The following SPOCK1 variants were observed in gnomAD, a reference collection of about 807,000 sequenced individuals.
The protein encoded by SPOCK1 is SPARC (osteonectin), cwcv and kazal like domains proteoglycan 1.
A neutral mutation model predicts 55.3 loss-of-function variants in SPOCK1; 23 were observed. The observed-to-expected ratio is 0.42, with a 90% CI of 0.30 to 0.59. The LOEUF is 0.59. SPOCK1 is among the 20% of genes least tolerant of loss of function. The pLI, the probability that SPOCK1 is intolerant of heterozygous loss-of-function variation, is 0.22. For missense variants in SPOCK1, 499 were observed against 552.5 expected (o/e 0.90, Z 0.97); for synonymous variants, 226 against 221.0 (o/e 1.02, Z -0.20).
intron 2 of SPOCK1, among the ~76,000 whole-genome samples, chr5:137,443,703 A>G (rs1280869032): frequency 2.0e-5 from 3 of 152,150 alleles, no homozygotes; most frequent in Admixed American, 2.0e-4. Flanking sequence ...GGGTTCACCA[A>G]CGGCTGTGGT....
intron 2 of SPOCK1, among the ~76,000 whole-genome samples, chr5:137,320,562 A>C (rs1175888924): frequency 6.6e-6 from 1 of 152,236 alleles, no homozygotes; most frequent in East Asian, 1.9e-4. Flanking sequence ...GAGCCAGAGA[A>C]CAGAAAAGAG....
chr5:136,987,254 T>C (rs982942609), intron 8 of SPOCK1, among the ~76,000 whole-genome samples: 1 of 152,074 alleles, frequency 6.6e-6, no homozygotes, highest in Non-Finnish European at 1.5e-5. Context: ...AATTTCTCCC[T>C]AACAAAAATG....
At chr5:137,225,684 GA>G (rs1755930910) in intron 3 of SPOCK1, among the ~76,000 whole-genome samples, 1 of 152,194 alleles carries the variant, frequency 6.6e-6, no homozygotes, top group South Asian at 2.1e-4. Context: ...GAAGGCTTGG[GA>G]AAACACAGGT....
intron 2 of SPOCK1, among the ~76,000 whole-genome samples, chr5:137,351,524 T>C (rs1476614836): frequency 6.6e-6 from 1 of 152,202 alleles, no homozygotes; most frequent in Non-Finnish European, 1.5e-5. Flanking sequence ...CCAAGGAGTA[T>C]TGCATTCTCC....
intron 2 of SPOCK1, among the ~76,000 whole-genome samples, chr5:137,408,450 C>A (rs754061922): frequency 6.6e-6 from 1 of 152,214 alleles, no homozygotes; most frequent in Admixed American, 6.5e-5. Context: ...ATCATTCCTG[C>A]CTTGCCAGTG....
chr5:137,320,519 T>C (rs1040296082), intron 2 of SPOCK1, among the ~76,000 whole-genome samples: 5 of 152,128 alleles, frequency 3.3e-5, no homozygotes, highest in African/African-American at 1.2e-4. Flanking sequence ...TGACTTAGAG[T>C]GCTGACAGAC....
At chr5:137,293,909 C>T (rs1434211913) in intron 2 of SPOCK1, among the ~76,000 whole-genome samples, 1 of 152,048 alleles carries the variant, frequency 6.6e-6, no homozygotes, top group Non-Finnish European at 1.5e-5. Flanking sequence ...CCCAGCTACT[C>T]GGGAGGCTGA....
At chr5:137,017,285 T>C (rs1751465453) in intron 6 of SPOCK1, among the ~76,000 whole-genome samples, 1 of 152,186 alleles carries the variant, frequency 6.6e-6, no homozygotes, top group African/African-American at 2.4e-5. Context: ...TACCTTGATG[T>C]GGTAGGAGCT....
intron 2 of SPOCK1, among the ~76,000 whole-genome samples, chr5:137,470,555 C>T (rs761694857): frequency 6.6e-6 from 1 of 152,098 alleles, no homozygotes; most frequent in East Asian, 1.9e-4. Context: ...ATGGTGCCCT[C>T]GAGACCCCAC....
rs76388508 is a variant in SPOCK1, at chr5:137,016,683, T to C, written c.590-24083A>G. ...AGGGACGGGGTATATTTTTCTAGAC[T>C]TCCGGAAGGAAACAAACAACCCAAC... On this transcript the variant is annotated intron_variant, in intron 6 of 10. Coordinates refer to ENST00000394945, the MANE Select transcript of SPOCK1 (RefSeq NM_004598.4). Among the ~76,000 whole-genome samples, 79 of 152,354 alleles carry C rather than the reference T, an allele frequency of 5.2e-4. 4 individuals carry two copies. The East Asian group carries it at 0.015, about 29-fold the overall frequency.
chr5:137,154,043 T>A (rs568059448), intron 3 of SPOCK1, among the ~76,000 whole-genome samples: 4 of 151,942 alleles, frequency 2.6e-5, no homozygotes, highest in Middle Eastern at 3.4e-3. Context: ...ATCCCAGCAC[T>A]TTGGGAGGCC....
At chr5:137,194,125 T>G (rs1234293426) in intron 3 of SPOCK1, among the ~76,000 whole-genome samples, 1 of 152,142 alleles carries the variant, frequency 6.6e-6, no homozygotes, top group Non-Finnish European at 1.5e-5. Context: ...GGCGAAGCAT[T>G]TAATTGCTTA....
intron 2 of SPOCK1, among the ~76,000 whole-genome samples, chr5:137,320,662 C>G (rs1252859705): frequency 6.6e-6 from 1 of 152,136 alleles, no homozygotes; most frequent in Non-Finnish European, 1.5e-5. Context: ...AAAAAGAGAC[C>G]AGCAAATCTC....
chr5:137,170,207 T>C (rs894493607), intron 3 of SPOCK1, among the ~76,000 whole-genome samples: 1 of 152,224 alleles, frequency 6.6e-6, no homozygotes, highest in Non-Finnish European at 1.5e-5. Flanking sequence ...ATGTAAATAG[T>C]TGTTATATTG....
chr5:137,162,627 C>G (rs555476924), intron 3 of SPOCK1, among the ~76,000 whole-genome samples: 4 of 152,196 alleles, frequency 2.6e-5, no homozygotes, highest in Non-Finnish European at 5.9e-5. Flanking sequence ...GCTAAACATT[C>G]TACAATGTAC....
rs140411827 is a variant in SPOCK1 at position 137,310,715 on chromosome 5, C to T, written c.187-43660G>A. On this transcript the variant is annotated intron_variant, in intron 2 of 10. Coordinates refer to ENST00000394945, the MANE Select transcript of SPOCK1 (RefSeq NM_004598.4). ...AATGACAGTTCCAATGGAGGATGGA[C>T]CTCATCATTAATTGCTGCAAAGCTG... is the stretch of plus-strand genomic sequence containing the variant. 1.3e-3 allele frequency among the ~76,000 whole-genome samples: 204 copies of T among 152,270 alleles called. 4 individuals are homozygous for T. The Middle Eastern group carries it at 0.014, about 10-fold the overall frequency.
At chr5:137,425,225 C>T (rs374353963) in intron 2 of SPOCK1, among the ~76,000 whole-genome samples, 3 of 152,156 alleles carry the variant, frequency 2.0e-5, no homozygotes, top group East Asian at 3.9e-4. Context: ...ACACTTATTA[C>T]TAATGTACTT....
intron 3 of SPOCK1, among the ~76,000 whole-genome samples, chr5:137,230,554 A>C (rs957382506): frequency 2.0e-5 from 3 of 152,248 alleles, no homozygotes; most frequent in African/African-American, 4.8e-5. Flanking sequence ...CATCAGAATT[A>C]AACTGATATG....
At chr5:136,989,280 T>G (rs541630572) in intron 7 of SPOCK1, among the ~76,000 whole-genome samples, 1 of 152,312 alleles carries the variant, frequency 6.6e-6, no homozygotes, top group African/African-American at 2.4e-5. Flanking sequence ...GGAGAAGAAG[T>G]TGTTTTCTTA....
Sources: gnomAD v4.1 joint callset for allele counts (sites outside exome capture counted in the v4.1 genomes callset) on GRCh38, gnomAD v4.1.1 for gene constraint, MANE v1.5 for transcripts, NCBI Gene and HGNC (gene_info 2026-07-23, HGNC 2026-07-21) for gene names.